Variants in RPAP2 observed in about 807,000 individuals in gnomAD.
RPAP2 encodes the protein RNA polymerase II associated protein 2.
RPAP2 carries 52 observed loss-of-function variants against 73.1 expected under a neutral mutation model. The observed-to-expected ratio is 0.71, with a 90% confidence interval of 0.57 to 0.90. The LOEUF (loss-of-function observed/expected upper bound fraction) is 0.90, where lower values mean the gene tolerates loss of function less well. Ranked by LOEUF, RPAP2 falls within the 40% of genes least tolerant of loss-of-function variation. RPAP2 has a pLI of 0.00. For missense variants in RPAP2, 598 were observed against 701.8 expected (o/e 0.85, Z 1.67); for synonymous variants, 225 against 242.1 (o/e 0.93, Z 0.65).
chr1:92,322,878 T>C (rs1351988263), intron 7 of RPAP2, among the ~76,000 whole-genome samples: 1 of 148,052 alleles, frequency 6.8e-6, no homozygotes, highest in African/African-American at 2.5e-5. Context: ...GTCTTAAAAA[T>C]ATATATTTAT....
chr1:92,300,923 A>C (rs191245810), intron 2 of RPAP2, among the ~76,000 whole-genome samples: 392 of 152,360 alleles, frequency 2.6e-3, no homozygotes, highest in African/African-American at 9.1e-3. Flanking sequence ...GTTAATTAAC[A>C]TAAACAAATA....
chr1:92,304,088 T>C lies in RPAP2; in HGVS notation c.333+13T>C. The C allele has an allele frequency of 6.6e-7, 1 of 1,526,552 alleles. No homozygotes were observed. The highest frequency in any genetic ancestry group is 9.0e-7 in the Non-Finnish European group (1 of 1,114,414). 94.6% of individuals were successfully genotyped at this position (1,526,552 alleles called of 1,614,324 possible). On this transcript the variant is annotated intron_variant, in intron 4 of 12. Transcript: ENST00000610020. The stretch of plus-strand genomic sequence containing the variant: ...GAAGCTGGGAATTGTAAGTAACTCA[T>C]TTTTTTTAAAATATAGGCTTTTATT...
At chr1:92,342,861 T>G (rs1653675747) in intron 10 of RPAP2, among the ~76,000 whole-genome samples, 1 of 152,058 alleles carries the variant, frequency 6.6e-6, no homozygotes, top group African/African-American at 2.4e-5. Flanking sequence ...CACACCATCC[T>G]TAGTTTTGGG....
At chr1:92,378,126 A>G (rs977753785) in intron 11 of RPAP2, among the ~76,000 whole-genome samples, 2 of 152,314 alleles carry the variant, frequency 1.3e-5, no homozygotes, top group African/African-American at 4.8e-5. Flanking sequence ...GCCAAATACT[A>G]ATCTCCTTGA....
chr1:92,336,236 G>A (rs1336587248), intron 9 of RPAP2, 111 bp from the exon 10 acceptor site: 2 of 700,268 alleles, frequency 2.9e-6, no homozygotes, highest in Non-Finnish European at 5.0e-6. Context: ...AATCATGACT[G>A]CTTCCATCTA....
At chr1:92,341,532 A>G (rs1478173628) in intron 10 of RPAP2, among the ~76,000 whole-genome samples, 2 of 152,208 alleles carry the variant, frequency 1.3e-5, no homozygotes, top group Non-Finnish European at 2.9e-5. Context: ...TGTTCTCTCC[A>G]GTGCGTGGAA....
intron 2 of RPAP2, 85 bp downstream of exon 2, chr1:92,300,324 T>C: frequency 1.0e-5 from 5 of 477,588 alleles, no homozygotes; most frequent in Non-Finnish European, 1.3e-5. Flanking sequence ...AATGGTTACC[T>C]TTTTTTTTTT....
intron 6 of RPAP2, among the ~76,000 whole-genome samples, chr1:92,320,038 G>A (rs1652156531): frequency 6.6e-6 from 1 of 151,924 alleles, no homozygotes; most frequent in Admixed American, 6.6e-5. Context: ...AAACATTTAG[G>A]TAATGGTTCT....
rs1650973781 is a variant in RPAP2 at position 92,303,026 on chromosome 1, C to T, written c.235-951C>T. 2.0e-5 allele frequency among the ~76,000 whole-genome samples: 3 copies of T among 152,114 alleles called. No homozygotes were observed. The South Asian group carries it at 6.2e-4, about 32-fold the overall frequency. On this transcript the variant is annotated intron_variant, in intron 3 of 12. Transcript: ENST00000610020. ...CCAGTCTGGACAACACAGCGAGACC[C>T]TGTCTAAATAAAAATTTGAGAATAA...
intron 11 of RPAP2, among the ~76,000 whole-genome samples, chr1:92,348,670 G>GACTTTTTTTATCTCCA (rs1654040485): frequency 6.6e-6 from 1 of 152,088 alleles, no homozygotes; most frequent in African/African-American, 2.4e-5. Context: ...TCAACTGATA[G>GACTTTTTTTATCTCCA]ACTTTTTTTA....
At chr1:92,369,728 A>G (rs1557627974) in intron 11 of RPAP2, among the ~76,000 whole-genome samples, 1 of 152,188 alleles carries the variant, frequency 6.6e-6, no homozygotes, top group African/African-American at 2.4e-5. Flanking sequence ...AGTAATTAGT[A>G]TATCATAATT....
chr1:92,340,440 T>A (rs1245703396), intron 10 of RPAP2, among the ~76,000 whole-genome samples: 1 of 152,226 alleles, frequency 6.6e-6, no homozygotes, highest in African/African-American at 2.4e-5. Flanking sequence ...CAATCAATAC[T>A]GATAGTGGGA....
At position 92,323,077 on chromosome 1, in the gene RPAP2, A is replaced by T. The variant is rs573662874; in HGVS notation, c.525-368A>T. Among the ~76,000 whole-genome samples the T allele has an allele frequency of 2.7e-3, 396 of 145,152 alleles. 3 individuals carry two copies. The highest frequency in any genetic ancestry group is 9.5e-3 in the South Asian group (45 of 4,716). On this transcript the variant is annotated intron_variant, in intron 7 of 12. Transcript: ENST00000610020. ...ATATATATACTTTATATATATATTT[A>T]TATATATATATATATTTGCAACAAC...
intron 5 of RPAP2, among the ~76,000 whole-genome samples, chr1:92,306,407 T>TA (rs144350326): frequency 6.6e-6 from 1 of 152,016 alleles, no homozygotes; most frequent in Non-Finnish European, 1.5e-5. Flanking sequence ...TTTTTAATTG[T>TA]AAAAAAAAGT....
intron 11 of RPAP2, among the ~76,000 whole-genome samples, chr1:92,350,060 C>T (rs139367867): frequency 6.2e-4 from 95 of 152,248 alleles, no homozygotes; most frequent in South Asian, 2.3e-3. Flanking sequence ...AAATGCATCC[C>T]ATATGAAAAT....
At chr1:92,369,054 C>T (rs987435693) in intron 11 of RPAP2, among the ~76,000 whole-genome samples, 3 of 152,112 alleles carry the variant, frequency 2.0e-5, no homozygotes, top group African/African-American at 7.2e-5. Flanking sequence ...TGTGTTAAGC[C>T]ATCTTAAGTG....
In RPAP2 at chr1:92,363,419, C is replaced by T. The variant is rs146566805; in HGVS notation, c.1689-17305C>T. 1.3e-3 allele frequency among the ~76,000 whole-genome samples: 196 copies of T among 152,284 alleles called. 6 individuals carry two copies. The East Asian group carries it at 0.035, about 27-fold the overall frequency. ...GAACAGGAGAGAAATACTACATCTTCTGAGACAGGAAGAAAAGAACAGCGT... is the reference window on the plus strand; with the variant it reads ...GAACAGGAGAGAAATACTACATCTTTTGAGACAGGAAGAAAAGAACAGCGT... On this transcript the variant is annotated intron_variant, in intron 11 of 12. Coordinates refer to ENST00000610020, the MANE Select transcript of RPAP2 (RefSeq NM_024813.3).
chr1:92,343,920 A>T (rs1013456890), intron 10 of RPAP2, among the ~76,000 whole-genome samples: 1 of 152,210 alleles, frequency 6.6e-6, no homozygotes, highest in African/African-American at 2.4e-5. Context: ...ATTGTTTCAG[A>T]TGGACGGAAT....
Position 92,338,692 on chromosome 1 carries a change from C to A in RPAP2, c.1619+2265C>A, listed in dbSNP as rs1230624026. On this transcript the variant is annotated intron_variant, in intron 10 of 12. Coordinates refer to ENST00000610020, the MANE Select transcript of RPAP2 (RefSeq NM_024813.3). ...TAAAGACAGGGTCTTGCTCAGTTGC[C>A]CAGGCTGGAGTTCAGTGATGCGATC... Among the ~76,000 whole-genome samples the A allele has an allele frequency of 5.8e-3, 873 of 151,016 alleles. 5 individuals carry two copies. The highest frequency in any genetic ancestry group is 0.019 in the African/African-American group (767 of 41,048).
Sources: gnomAD v4.1 joint callset for allele counts (sites outside exome capture counted in the v4.1 genomes callset) on GRCh38, gnomAD v4.1.1 for gene constraint, MANE v1.5 for transcripts, NCBI Gene and HGNC (gene_info 2026-07-23, HGNC 2026-07-21) for gene names.